Variants in PSMD1 observed in about 807,000 individuals in gnomAD.
The protein encoded by PSMD1 is 26S proteasome non-ATPase regulatory subunit 1.
PSMD1 carries 18 observed loss-of-function variants against 119.0 expected under a neutral mutation model. The ratio of observed to expected loss-of-function variants is 0.15; its 90% confidence interval spans 0.10 to 0.22. The LOEUF (loss-of-function observed/expected upper bound fraction) is 0.22. Ranked by LOEUF, PSMD1 falls within the 10% of genes least tolerant of loss-of-function variation. PSMD1 has a pLI of 1.00. For missense variants in PSMD1, 702 were observed against 1,158.5 expected, an observed-to-expected ratio of 0.61 and a Z score of 5.72; for synonymous variants, 374 against 396.6, an observed-to-expected ratio of 0.94 and a Z score of 0.68.
intron 4 of PSMD1, among the ~76,000 whole-genome samples, chr2:231,064,739 C>T (rs896606590): frequency 6.6e-6 from 1 of 152,286 alleles, no homozygotes; most frequent in East Asian, 1.9e-4. Flanking sequence ...GATCTTGGCT[C>T]GCTGCAACCT....
chr2:231,124,662 T>C (rs922773661), intron 16 of PSMD1, among the ~76,000 whole-genome samples: 9 of 152,322 alleles, frequency 5.9e-5, no homozygotes, highest in African/African-American at 2.2e-4. Context: ...TTTGCAACAA[T>C]TGTGTTCTAA....
intron 19 of PSMD1, among the ~76,000 whole-genome samples, chr2:231,160,447 A>G (rs1696610899): frequency 6.6e-6 from 1 of 152,218 alleles, no homozygotes; most frequent in Non-Finnish European, 1.5e-5. Context: ...TCAAAATTCT[A>G]ATAATGTTTA....
intron 16 of PSMD1, among the ~76,000 whole-genome samples, chr2:231,135,734 A>G (rs1695951564): frequency 6.6e-6 from 1 of 152,106 alleles, no homozygotes; most frequent in Non-Finnish European, 1.5e-5. Context: ...TAGGACCTAG[A>G]TCTTTAGTTT....
chr2:231,078,600 G>A, intron 9 of PSMD1, 59 bp from the exon 10 acceptor site: 1 of 1,249,558 alleles, frequency 8.0e-7, no homozygotes, highest in South Asian at 1.4e-5. Context: ...GTGTGTGTGA[G>A]GGTGTGCATA....
intron 18 of PSMD1, 93 bp from the exon 19 acceptor site, chr2:231,153,471 A>G: frequency 1.1e-6 from 1 of 914,540 alleles, no homozygotes; most frequent in East Asian, 2.5e-5. Flanking sequence ...CTCAGAACTA[A>G]CTCATTATCA....
At chr2:231,059,718 A>G (rs1332005566) in intron 1 of PSMD1, among the ~76,000 whole-genome samples, 1 of 152,164 alleles carries the variant, frequency 6.6e-6, no homozygotes, top group East Asian at 1.9e-4. Flanking sequence ...AAATATCCAA[A>G]TATTTCTGTC....
chr2:231,108,789 C>A, intron 16 of PSMD1: 1 of 1,614,028 alleles, frequency 6.2e-7, no homozygotes, highest in South Asian at 1.1e-5. Flanking sequence ...ATATATCGGC[C>A]AAATGCATCC....
intron 18 of PSMD1, among the ~76,000 whole-genome samples, chr2:231,149,015 C>T (rs1696312810): frequency 6.6e-6 from 1 of 152,190 alleles, no homozygotes; most frequent in Non-Finnish European, 1.5e-5. Context: ...GAGTTATAAA[C>T]CCCTCTCAAA....
chr2:231,079,421 A>G (rs1200989966), intron 10 of PSMD1, 115 bp from the exon 11 acceptor site: 9 of 541,666 alleles, frequency 1.7e-5, no homozygotes, highest in South Asian at 8.4e-5. Flanking sequence ...GAGATCCACA[A>G]AGTAATTTGG....
intron 16 of PSMD1, among the ~76,000 whole-genome samples, chr2:231,095,819 G>T (rs1694710807): frequency 6.6e-6 from 1 of 152,220 alleles, no homozygotes; most frequent in Admixed American, 6.5e-5. Flanking sequence ...TTAATAGCCT[G>T]TAAGTCATGC....
chr2:231,150,519 T>A lies in PSMD1; in HGVS notation c.2116-3045T>A, dbSNP rs191933802. 1.8e-3 allele frequency among the ~76,000 whole-genome samples: 270 copies of A among 152,150 alleles called. 1 individual carries two copies. The highest frequency in any genetic ancestry group is 3.4e-3 in the Non-Finnish European group (228 of 67,976). On this transcript the variant is annotated intron_variant, in intron 18 of 24. Coordinates refer to ENST00000308696, the MANE Select transcript of PSMD1 (RefSeq NM_002807.4). ...CAGAAAGCTCTGAAAACTCAGAGGTTTGTTTGTTTTTCAAGACTCATTTGG... is the reference window on the plus strand; with the variant it reads ...CAGAAAGCTCTGAAAACTCAGAGGTATGTTTGTTTTTCAAGACTCATTTGG...
At chr2:231,117,693 A>G (rs957602268) in intron 16 of PSMD1, among the ~76,000 whole-genome samples, 3 of 152,156 alleles carry the variant, frequency 2.0e-5, no homozygotes, top group Middle Eastern at 3.2e-3. Flanking sequence ...TCTCCCAGAC[A>G]AGGTTCAACA....
intron 19 of PSMD1, among the ~76,000 whole-genome samples, chr2:231,156,732 T>C (rs1031437910): frequency 2.6e-5 from 4 of 152,168 alleles, no homozygotes; most frequent in Admixed American, 1.3e-4. Flanking sequence ...ACATACAGTG[T>C]ACATGGTGCT....
At chr2:231,109,162 A>T (rs778239382) in intron 16 of PSMD1, 10 of 1,614,186 alleles carry the variant, frequency 6.2e-6, no homozygotes, top group Non-Finnish European at 8.5e-6. Flanking sequence ...CCCTTTGGAA[A>T]ACTGTAGACA....
chr2:231,134,178 A>G (rs1288469915), intron 16 of PSMD1, among the ~76,000 whole-genome samples: 1 of 152,272 alleles, frequency 6.6e-6, no homozygotes, highest in African/African-American at 2.4e-5. Context: ...GTAATACTAA[A>G]GAGCAACAAA....
At chr2:231,124,789 AC>A (rs1695678574) in intron 16 of PSMD1, among the ~76,000 whole-genome samples, 1 of 152,142 alleles carries the variant, frequency 6.6e-6, no homozygotes, top group African/African-American at 2.4e-5. Context: ...GGAAGATTAG[AC>A]CATTTATTTG....
rs555619653 is a variant in PSMD1, at chr2:231,082,683, C to T, written c.1414-200C>T. On this transcript the variant is annotated intron_variant, in intron 12 of 24. Transcript: ENST00000308696. ...TCACGCCATTGCACTCCAGCCTGGGCGACAAGAGCGAAACTACGTCTGAAA... is the reference window on the plus strand; with the variant it reads ...TCACGCCATTGCACTCCAGCCTGGGTGACAAGAGCGAAACTACGTCTGAAA... 6.8e-4 allele frequency among the ~76,000 whole-genome samples: 104 copies of T among 152,254 alleles called. 1 individual carries two copies. Among genetic ancestry groups the T allele is most frequent in the Non-Finnish European group, 8.5e-4 (58 of 68,010 alleles).
At chr2:231,064,847 A>C (rs1693860062) in intron 4 of PSMD1, among the ~76,000 whole-genome samples, 1 of 151,802 alleles carries the variant, frequency 6.6e-6, no homozygotes, top group Admixed American at 6.6e-5. Context: ...TGTGTTGTAG[A>C]AATGGGGTTT....
At chr2:231,080,755 A>G (rs1694289946) in intron 12 of PSMD1, among the ~76,000 whole-genome samples, 1 of 152,220 alleles carries the variant, frequency 6.6e-6, no homozygotes, top group Non-Finnish European at 1.5e-5. Context: ...GAACCTTAAA[A>G]TGTAATTTTA....
Sources: gnomAD v4.1 joint callset for allele counts (sites outside exome capture counted in the v4.1 genomes callset) on GRCh38, gnomAD v4.1.1 for gene constraint, MANE v1.5 for transcripts, NCBI Gene and HGNC (gene_info 2026-07-23, HGNC 2026-07-21) for gene names.